Variants in FAS observed in about 807,000 individuals in gnomAD.
FAS encodes the protein tumor necrosis factor receptor superfamily member 6.
Under a neutral mutation model 33.2 loss-of-function variants are expected in FAS, and 5 were observed. That is an observed-to-expected ratio of 0.15 (90% confidence interval 0.08 to 0.32). The LOEUF is 0.32. Among genes scored for constraint, FAS ranks in the 10% least tolerant of loss-of-function variants. The pLI is 1.00. For missense variants in FAS, 339 were observed against 386.0 expected (o/e 0.88, Z 1.02); for synonymous variants, 131 against 130.7 (o/e 1.00, Z -0.01).
chr10:88,998,387 G>C (rs1847728794), intron 1 of FAS, among the ~76,000 whole-genome samples: 2 of 148,822 alleles, frequency 1.3e-5, no homozygotes, highest in South Asian at 4.3e-4. Context: ...GTGAAGCCAA[G>C]ACACTCTTCC....
chr10:88,977,552 GAA>G (rs1293223185), intron 2 of FAS, among the ~76,000 whole-genome samples: 5 of 151,728 alleles, frequency 3.3e-5, no homozygotes, highest in African/African-American at 1.2e-4. Context: ...AAATTTACAA[GAA>G]AAAAACAAAC....
chr10:89,008,155 C>T (rs1589476713), intron 3 of FAS, among the ~76,000 whole-genome samples: 1 of 152,028 alleles, frequency 6.6e-6, no homozygotes, highest in East Asian at 1.9e-4. Flanking sequence ...TAATGGTGCT[C>T]GTTCATGGCC....
chr10:89,014,448 T>C lies in FAS; in HGVS notation c.1006T>C (p.Ter336GlnextTer9), dbSNP rs1218521074. 1.2e-6 allele frequency: 2 copies of C among 1,607,918 alleles called. No homozygotes were observed. Among genetic ancestry groups the C allele is most frequent in the Admixed American group, 1.7e-5 (1 of 59,966 alleles). Residue 336 changes from the stop codon to glutamine, a stop_lost, in exon 9 of 9, where the codon TAG becomes CAG. Transcript: ENST00000652046. ...CAGAAATGAAATCCAAAGCTTGGTC[T>C]AGAGTGAAAAACAACAAATTCAGTT... ...NFRNEIQSLV[*>Q]
upstream of FAS, among the ~76,000 whole-genome samples, chr10:88,985,490 C>T (rs1359981396): frequency 6.6e-6 from 1 of 152,224 alleles, no homozygotes; most frequent in Non-Finnish European, 1.5e-5. Context: ...TGCTCTGGGG[C>T]TCCTCCCCTG....
chr10:88,968,418 TGTTTGTTTTCC>T (rs1846360901), intron 1 of FAS, among the ~76,000 whole-genome samples: 2 of 152,006 alleles, frequency 1.3e-5, no homozygotes, highest in African/African-American at 4.8e-5. Context: ...ATTAAAACCA[TGTTTGTTTTCC>T]TGAATCCATG....
chr10:88,994,339 A>C (rs1331011859), intron 1 of FAS, among the ~76,000 whole-genome samples: 4 of 152,216 alleles, frequency 2.6e-5, no homozygotes, highest in Admixed American at 2.0e-4. Context: ...TGCTTTTGGC[A>C]AATTATCTTG....
chr10:89,014,282 T>C lies in FAS; in HGVS notation c.840T>C (p.Asn280=), dbSNP rs762629344. 3 of 1,613,996 alleles carry C rather than the reference T, an allele frequency of 1.9e-6. No individual in the cohort carries two copies. The highest frequency in any genetic ancestry group is 2.2e-5 in the East Asian group (1 of 44,842). ...TAEQKVQLLR[N]WHQLHGKKEA... ...AACAGAAAGTTCAACTGCTTCGTAA[T>C]TGGCATCAACTTCATGGAAAGAAAG... Residue 280 remains asparagine, a synonymous_variant, in exon 9 of 9, where the codon AAT becomes AAC. Coordinates refer to ENST00000652046, the MANE Select transcript of FAS (RefSeq NM_000043.6).
intron 1 of FAS, among the ~76,000 whole-genome samples, chr10:88,967,694 T>G (rs1237547323): frequency 6.6e-6 from 1 of 152,184 alleles, no homozygotes; most frequent in Non-Finnish European, 1.5e-5. Flanking sequence ...GTTTCATGAT[T>G]TTGTTACTGT....
Position 89,003,144 on chromosome 10 carries a change from T to C in FAS, c.146T>C (p.Leu49Ser). The C allele has an allele frequency of 6.2e-7, 1 of 1,614,190 alleles. No individual in the cohort carries two copies. The highest frequency in any genetic ancestry group is 1.1e-5 in the South Asian group (1 of 91,088). The change falls in exon 2 of 9, where the codon TTG (leucine) becomes TCG (serine). Residue 49 changes from leucine (L) to serine (S), a missense_variant. Leu to Ser is a moderately radical substitution (Grantham distance 145). Coordinates refer to ENST00000652046, the MANE Select transcript of FAS (RefSeq NM_000043.6). ...KTVTTVETQN[L>S]EGLHHDGQFC... ...GTTACTACAGTTGAGACTCAGAACT[T>C]GGAAGGCCTGCATCATGATGGCCAA...
upstream of FAS, among the ~76,000 whole-genome samples, chr10:88,983,802 G>C (rs553718064): frequency 5.3e-4 from 80 of 152,244 alleles, no homozygotes; most frequent in South Asian, 9.3e-3. Flanking sequence ...ATTTCAGAAA[G>C]AACTTTGATA....
intron 2 of FAS, among the ~76,000 whole-genome samples, chr10:89,006,234 C>A (rs2133492048): frequency 6.6e-6 from 1 of 152,238 alleles, no homozygotes; most frequent in South Asian, 2.1e-4. Flanking sequence ...TAAAATTATA[C>A]TTGGACTTGG....
chr10:88,987,139 C>T (rs1241032488), upstream of FAS, among the ~76,000 whole-genome samples: 1 of 152,186 alleles, frequency 6.6e-6, no homozygotes, highest in Non-Finnish European at 1.5e-5. Flanking sequence ...ACTGTGGGCT[C>T]TGACGCCCTC....
At chr10:89,010,966 C>A in intron 6 of FAS, 151 bp downstream of exon 6, 1 of 853,770 alleles carries the variant, frequency 1.2e-6, no homozygotes, top group Non-Finnish European at 1.9e-6. Flanking sequence ...TGAGAGCTGA[C>A]TGATAAGAAC....
intron 2 of FAS, among the ~76,000 whole-genome samples, chr10:88,977,289 G>A (rs1846587530): frequency 6.6e-6 from 1 of 151,160 alleles, no homozygotes; most frequent in African/African-American, 2.4e-5. Flanking sequence ...GGGTTTTTAT[G>A]GTTTTAGGTC....
At chr10:88,985,888 T>C (rs1846866777), upstream of FAS, among the ~76,000 whole-genome samples, 1 of 152,252 alleles carries the variant, frequency 6.6e-6, no homozygotes, top group African/African-American at 2.4e-5. Context: ...TATAATGCCC[T>C]TGCCACTAGT....
intron 1 of FAS, chr10:88,991,559 C>G (rs1338928588): frequency 6.5e-6 from 1 of 154,844 alleles, no homozygotes; most frequent in Admixed American, 6.4e-5. Context: ...GCTTGTTTAC[C>G]GTTTTTTATT....
chr10:89,002,932 C>A, intron 1 of FAS, 97 bp from the exon 2 acceptor site: 1 of 1,310,108 alleles, frequency 7.6e-7, no homozygotes, highest in Non-Finnish European at 1.1e-6. Flanking sequence ...TTTGCCTGTG[C>A]ACAGCAGATA....
chr10:89,012,296 A>G (rs1287156119), intron 7 of FAS: 5 of 504,680 alleles, frequency 9.9e-6, no homozygotes, highest in East Asian at 3.7e-5. Flanking sequence ...TCCTGCCTCA[A>G]CTGTGACCCT....
chr10:88,987,255 A>C (rs1466336915), upstream of FAS, among the ~76,000 whole-genome samples: 1 of 152,240 alleles, frequency 6.6e-6, no homozygotes, highest in Non-Finnish European at 1.5e-5. Context: ...AGAATAGCTA[A>C]TTTGTAACAA....
Sources: gnomAD v4.1 joint callset for allele counts (sites outside exome capture counted in the v4.1 genomes callset) on GRCh38, gnomAD v4.1.1 for gene constraint, MANE v1.5 for transcripts, NCBI Gene and HGNC (gene_info 2026-07-23, HGNC 2026-07-21) for gene names.